The following TBCD variants were observed in gnomAD, a reference collection of about 807,000 sequenced individuals.
TBCD encodes the protein tubulin folding cofactor D, also known as tubulin-specific chaperone D.
In TBCD, 105 loss-of-function variants were observed where a neutral mutation model predicts 169.3. The ratio of observed to expected loss-of-function variants is 0.62; its 90% CI spans 0.53 to 0.73. The LOEUF (loss-of-function observed/expected upper bound fraction) is 0.73. TBCD is among the 30% of genes least tolerant of loss of function. TBCD has a pLI of 0.00. For missense variants in TBCD, 1,444 were observed against 1,600.1 expected, an observed-to-expected ratio of 0.90 and a Z score of 1.66; for synonymous variants, 700 against 643.9, an observed-to-expected ratio of 1.09 and a Z score of -1.32.
intron 20 of TBCD, among the ~76,000 whole-genome samples, chr17:82,906,336 C>T (rs943383962): frequency 5.9e-5 from 9 of 152,360 alleles, no homozygotes; most frequent in African/African-American, 2.2e-4. Context: ...CTGCTGCCTC[C>T]TTGTGCACCT....
At position 82,889,740 on chromosome 17, in the gene TBCD, G is replaced by A. The variant is rs752241155; in HGVS notation, c.1563+43G>A. ...CACCTTTATTCCAAAAACTTCCTGCGGGTTTATAGGTAGGAATCTTGAGAG... is the reference window on the plus strand; with the variant it reads ...CACCTTTATTCCAAAAACTTCCTGCAGGTTTATAGGTAGGAATCTTGAGAG... On this transcript the variant is annotated intron_variant, in intron 16 of 38. Coordinates refer to ENST00000355528, the MANE Select transcript of TBCD (RefSeq NM_005993.5). This position sits in a 1 kb window ranked among gnomAD's most constrained non-coding sequence, Gnocchi z 5.3. The A allele has an allele frequency of 1.2e-6, 2 of 1,609,194 alleles. No individual in the cohort carries two copies. The highest frequency in any genetic ancestry group is 1.7e-6 in the Non-Finnish European group (2 of 1,177,374).
rs188798559 is a variant in TBCD, at chr17:82,870,136, G to A, written c.1319-88G>A. 8 of 1,570,264 alleles carry A rather than the reference G, an allele frequency of 5.1e-6. No individual in the cohort carries two copies. The East Asian group carries it at 1.6e-4, about 31-fold the overall frequency. ...CTCACTCATCTGGCACCGTGACCGC[G>A]CTCCGGCCCTGAGCCCCACTTCTCT... On this transcript the variant is annotated intron_variant, in intron 13 of 38. Coordinates refer to ENST00000355528, the MANE Select transcript of TBCD (RefSeq NM_005993.5).
Position 82,800,979 on chromosome 17 carries a change from G to A in TBCD, c.933G>A (p.Pro311=), listed in dbSNP as rs1413672323. The change falls in exon 9 of 39, where the codon CCG becomes CCA. Residue 311 remains proline (P), a synonymous_variant. Coordinates refer to ENST00000355528, the MANE Select transcript of TBCD (RefSeq NM_005993.5). ...GACTGGGGCTGACATTCCTGAAGCCGAAGGTGGCAGCATGGAGGTAGGCAC... is the reference window on the plus strand; with the variant it reads ...GACTGGGGCTGACATTCCTGAAGCCAAAGGTGGCAGCATGGAGGTAGGCAC... ...VQRLGLTFLK[P]KVAAWRYQRG... 5 of 1,604,590 alleles carry A rather than the reference G, an allele frequency of 3.1e-6. No individual in the cohort carries two copies. The highest frequency in any genetic ancestry group is 4.3e-6 in the Non-Finnish European group (5 of 1,175,534).
chr17:82,860,327 C>T (rs1567906528), intron 13 of TBCD: 1 of 971,696 alleles, frequency 1.0e-6, no homozygotes, highest in Non-Finnish European at 1.2e-6. Context: ...GCGTCCCCTC[C>T]CCTCTGGTGG....
chr17:82,805,785 T>G, intron 9 of TBCD, 90 bp from the exon 10 acceptor site: 2 of 1,466,560 alleles, frequency 1.4e-6, no homozygotes, highest in South Asian at 1.3e-5. Context: ...AGGCACGCTT[T>G]AAGATTCAAA....
rs537445465 is a variant in TBCD, at chr17:82,766,462, T to G, written c.435+94T>G. On this transcript the variant is annotated intron_variant, in intron 4 of 38. Coordinates refer to ENST00000355528, the MANE Select transcript of TBCD (RefSeq NM_005993.5). Reference sequence around the variant, plus strand: ...CCTGCTGCACCTTCCCCTTCCTGTTTCTTTCATTTTATCTCCCTTTGTTTT... The same window carrying G: ...CCTGCTGCACCTTCCCCTTCCTGTTGCTTTCATTTTATCTCCCTTTGTTTT... 3 of 748,946 alleles carry G rather than the reference T, an allele frequency of 4.0e-6. No homozygotes were observed. In the Admixed American group the frequency reaches 8.5e-5, roughly 21 times the overall value. 46.4% of individuals were successfully genotyped at this position (748,946 alleles called of 1,614,324 possible). A position where few individuals can be genotyped will look rare whatever the true frequency, so the allele number is the denominator to read the frequency against.
chr17:82,756,541 G>A (rs1041780334), intron 2 of TBCD, among the ~76,000 whole-genome samples: 1 of 151,956 alleles, frequency 6.6e-6, no homozygotes, highest in Non-Finnish European at 1.5e-5. Flanking sequence ...GTGCTGTGGC[G>A]CGATCTCAGC....
At chr17:82,899,060 T>C (rs2059688798) in intron 17 of TBCD, among the ~76,000 whole-genome samples, 1 of 152,286 alleles carries the variant, frequency 6.6e-6, no homozygotes. Flanking sequence ...GGGAACACAC[T>C]CCTGTGTGTC....
At chr17:82,813,081 C>T (rs2051574071) in intron 12 of TBCD, among the ~76,000 whole-genome samples, 1 of 152,138 alleles carries the variant, frequency 6.6e-6, no homozygotes, top group Non-Finnish European at 1.5e-5. Flanking sequence ...CCTCGGTTTC[C>T]CAAAGTGCTG....
chr17:82,767,772 C>T (rs945928127), intron 4 of TBCD, among the ~76,000 whole-genome samples: 35 of 152,150 alleles, frequency 2.3e-4, no homozygotes, highest in Admixed American at 1.1e-3. Flanking sequence ...CTGGCTAACA[C>T]GGTGCAACCC....
intron 13 of TBCD, among the ~76,000 whole-genome samples, chr17:82,841,508 C>G (rs1057167054): frequency 6.6e-6 from 1 of 151,982 alleles, no homozygotes; most frequent in African/African-American, 2.4e-5. Flanking sequence ...AGGGTTTTGC[C>G]ATGTTTCCTA....
Position 82,922,515 on chromosome 17 carries a change from A to ATTTTCTT in TBCD, c.2178+939_2178+945dup, listed in dbSNP as rs1430450845. Reference sequence around the variant, plus strand: ...CATTTCTTTTTCCTTAGCATCTTCAATTTTCTTATTTTTTTTTTCTTAAGG... The same window carrying ATTTTCTT: ...CATTTCTTTTTCCTTAGCATCTTCAATTTTCTTTTTTCTTATTTTTTTTTTCTTAAGG... On this transcript the variant is annotated intron_variant, in intron 25 of 38. Coordinates refer to ENST00000355528, the MANE Select transcript of TBCD (RefSeq NM_005993.5). This position sits in a 1 kb window ranked among gnomAD's most constrained non-coding sequence, Gnocchi z 4.1. Among the ~76,000 whole-genome samples, 2 of 152,010 alleles carry ATTTTCTT rather than the reference A, an allele frequency of 1.3e-5. No individual in the cohort carries two copies. The highest frequency in any genetic ancestry group is 2.9e-5 in the Non-Finnish European group (2 of 67,998).
At chr17:82,902,488 G>A (rs2059958406) in intron 18 of TBCD, among the ~76,000 whole-genome samples, 1 of 152,240 alleles carries the variant, frequency 6.6e-6, no homozygotes, top group Non-Finnish European at 1.5e-5. Flanking sequence ...TAGACAGCAT[G>A]CAGTTGGGTG....
chr17:82,770,368 G>A (rs1426547325), intron 5 of TBCD, among the ~76,000 whole-genome samples: 2 of 152,136 alleles, frequency 1.3e-5, no homozygotes, highest in Non-Finnish European at 2.9e-5. Flanking sequence ...GGGAGGCCAA[G>A]GTGGGCATAT....
chr17:82,871,221 G>A (rs2057532952), intron 14 of TBCD, among the ~76,000 whole-genome samples: 1 of 31,166 alleles, frequency 3.2e-5, no homozygotes, highest in African/African-American at 1.3e-4. Flanking sequence ...TTTTGCTTAG[G>A]AAACATGCAA....
Position 82,831,743 on chromosome 17 carries a change from T to G in TBCD, c.1318+16809T>G. 1 of 1,614,014 alleles carries G rather than the reference T, an allele frequency of 6.2e-7. No homozygotes were observed. Among genetic ancestry groups the G allele is most frequent in the Non-Finnish European group, 8.5e-7 (1 of 1,180,008 alleles). The stretch of plus-strand genomic sequence containing the variant: ...AAGTGAGGCGGGTACTCTGGGATTG[T>G]GGGGTGCATGTAAGGGGAAATGGCC... On this transcript the variant is annotated intron_variant, in intron 13 of 38. Coordinates refer to ENST00000355528, the MANE Select transcript of TBCD (RefSeq NM_005993.5). This position sits in a 1 kb window ranked among gnomAD's most constrained non-coding sequence, Gnocchi z 4.6.
chr17:82,806,710 C>T lies in TBCD; in HGVS notation c.1087+699C>T, dbSNP rs2050990630. ...CACTCTGCTCACATCCCCGCCGCTC[C>T]CTCCAGGGCAGGTTTCTCCCCAGTC... On this transcript the variant is annotated intron_variant, in intron 10 of 38. Transcript: ENST00000355528. The surrounding 1 kb of genome is among the most constrained non-coding windows in gnomAD (Gnocchi z 5.1). Among the ~76,000 whole-genome samples, 1 of 152,144 alleles carries T rather than the reference C, an allele frequency of 6.6e-6. No individual in the cohort carries two copies. The highest frequency in any genetic ancestry group is 1.5e-5 in the Non-Finnish European group (1 of 68,016).
chr17:82,886,529 T>C (rs1284675734), intron 15 of TBCD, among the ~76,000 whole-genome samples: 3 of 150,816 alleles, frequency 2.0e-5, no homozygotes, highest in African/African-American at 7.4e-5. Flanking sequence ...TACATTTAAC[T>C]GAGAAGATTT....
At chr17:82,767,544 C>G (rs572151413) in intron 4 of TBCD, among the ~76,000 whole-genome samples, 2 of 152,124 alleles carry the variant, frequency 1.3e-5, no homozygotes, top group East Asian at 3.9e-4. Flanking sequence ...CAGGTTCAAG[C>G]GATTCTCCTG....
Sources: gnomAD v4.1 joint callset for allele counts (sites outside exome capture counted in the v4.1 genomes callset) on GRCh38, gnomAD v4.1.1 for gene constraint, Gnocchi (gnomAD v3.1) non-coding constraint, MANE v1.5 for transcripts, NCBI Gene and HGNC (gene_info 2026-07-23, HGNC 2026-07-21) for gene names.